Variants in TMEM131 observed in about 807,000 individuals in gnomAD.
TMEM131 encodes the protein transmembrane protein 131, also known as 2610524E03Rik.
In TMEM131, 66 loss-of-function variants were observed where a neutral mutation model predicts 211.6. The observed-to-expected ratio is 0.31, with a 90% confidence interval of 0.26 to 0.38. TMEM131 has a LOEUF of 0.38. Among genes scored for constraint, TMEM131 ranks in the 10% least tolerant of loss-of-function variants. TMEM131 has a pLI of 1.00. For missense variants in TMEM131, 2,036 were observed against 2,299.3 expected, an observed-to-expected ratio of 0.89 and a Z score of 2.34; for synonymous variants, 844 against 841.3, an observed-to-expected ratio of 1.00 and a Z score of -0.06.
At chr2:97,806,174 A>G (rs924574682) in intron 19 of TMEM131, among the ~76,000 whole-genome samples, 2 of 152,218 alleles carry the variant, frequency 1.3e-5, no homozygotes, top group African/African-American at 4.8e-5. Flanking sequence ...ATTAGGAAAA[A>G]TATATGTCAT....
chr2:97,965,990 T>A (rs1462639886), intron 1 of TMEM131, among the ~76,000 whole-genome samples: 1 of 151,880 alleles, frequency 6.6e-6, no homozygotes. Flanking sequence ...AAAGAGAAAG[T>A]AAGCAAAGCC....
intron 5 of TMEM131, among the ~76,000 whole-genome samples, chr2:97,855,115 G>C (rs1282001555): frequency 2.0e-5 from 3 of 152,216 alleles, no homozygotes; most frequent in Non-Finnish European, 4.4e-5. Context: ...GGCACTTTAA[G>C]TAGACACTTC....
intron 5 of TMEM131, among the ~76,000 whole-genome samples, chr2:97,850,580 A>G (rs1379024294): frequency 2.0e-5 from 3 of 152,178 alleles, no homozygotes; most frequent in Non-Finnish European, 2.9e-5. Context: ...CTGATATAAA[A>G]GATGTGAAAA....
At chr2:97,757,901 C>G (rs1455748314) in intron 40 of TMEM131, among the ~76,000 whole-genome samples, 9 of 152,104 alleles carry the variant, frequency 5.9e-5, no homozygotes, top group Non-Finnish European at 1.3e-4. Flanking sequence ...GGGAGGCCGA[C>G]GTGGGCGGAT....
intron 6 of TMEM131, 100 bp from the exon 7 acceptor site, chr2:97,842,037 T>C: frequency 1.7e-6 from 2 of 1,149,160 alleles, no homozygotes; most frequent in Non-Finnish European, 2.3e-6. Flanking sequence ...ATCTAATTTA[T>C]GTATAAAAAA....
At chr2:97,834,390 T>C (rs1178788410) in intron 10 of TMEM131, among the ~76,000 whole-genome samples, 1 of 152,194 alleles carries the variant, frequency 6.6e-6, no homozygotes, top group Non-Finnish European at 1.5e-5. Context: ...TGACTTAAAT[T>C]ATCCCATGGC....
At chr2:97,942,561 T>C (rs527940633) in intron 1 of TMEM131, among the ~76,000 whole-genome samples, 1 of 150,952 alleles carries the variant, frequency 6.6e-6, no homozygotes, top group African/African-American at 2.4e-5. Flanking sequence ...TTTCCAATCT[T>C]ACAGTAAAAG....
chr2:97,775,409 C>A (rs1368782927), intron 32 of TMEM131, among the ~76,000 whole-genome samples: 1 of 152,316 alleles, frequency 6.6e-6, no homozygotes, highest in African/African-American at 2.4e-5. Context: ...GCCACCAAAA[C>A]CCCGCTTCCA....
chr2:97,953,598 T>C (rs1292307645), intron 1 of TMEM131, among the ~76,000 whole-genome samples: 1 of 152,142 alleles, frequency 6.6e-6, no homozygotes, highest in Non-Finnish European at 1.5e-5. Flanking sequence ...TGTCAGCAAC[T>C]GGTAGAACTA....
intron 3 of TMEM131, among the ~76,000 whole-genome samples, chr2:97,890,033 T>G (rs1187853026): frequency 6.6e-6 from 1 of 152,052 alleles, no homozygotes; most frequent in African/African-American, 2.4e-5. Flanking sequence ...GGGAAGAAAG[T>G]AGTAATGTAT....
intron 4 of TMEM131, among the ~76,000 whole-genome samples, chr2:97,871,853 T>C (rs1304399067): frequency 2.0e-5 from 3 of 151,808 alleles, no homozygotes; most frequent in South Asian, 2.1e-4. Flanking sequence ...TTTGTCTGTA[T>C]AGCAGGCAGG....
chr2:97,982,355 T>C (rs1679835712), intron 1 of TMEM131, among the ~76,000 whole-genome samples: 1 of 152,226 alleles, frequency 6.6e-6, no homozygotes, highest in African/African-American at 2.4e-5. Context: ...TGCCCATTTT[T>C]TAATTGCACT....
At chr2:97,760,478 T>C (rs1277428607) in intron 38 of TMEM131, 115 bp downstream of exon 38, 5 of 999,302 alleles carry the variant, frequency 5.0e-6, no homozygotes, top group Non-Finnish European at 7.5e-6. Flanking sequence ...TTCTGACAAA[T>C]GCCTCCTTGT....
intron 1 of TMEM131, among the ~76,000 whole-genome samples, chr2:97,968,630 G>A (rs1679160245): frequency 6.6e-6 from 1 of 152,172 alleles, no homozygotes; most frequent in African/African-American, 2.4e-5. Flanking sequence ...TTGTAGGGAA[G>A]CCTGCACAAA....
Position 97,938,295 on chromosome 2 carries a change from A to T in TMEM131, c.188-10808T>A. 1.3e-5 allele frequency among the ~76,000 whole-genome samples: 2 copies of T among 152,208 alleles called. 1 individual carries two copies. Among genetic ancestry groups the T allele is most frequent in the East Asian group, 3.8e-4 (2 of 5,206 alleles). ...TATTCAGGAAACCCATCTCACCTGC[A>T]GAGACACACATAGGCTCAAAATAAA... On this transcript the variant is annotated intron_variant, in intron 1 of 40. Coordinates refer to ENST00000186436, the MANE Select transcript of TMEM131 (RefSeq NM_015348.2).
chr2:97,989,002 G>C (rs1196578487), intron 1 of TMEM131, among the ~76,000 whole-genome samples: 1 of 152,188 alleles, frequency 6.6e-6, no homozygotes, highest in Non-Finnish European at 1.5e-5. Context: ...GTAGGAGCAA[G>C]CCTAGTGTCC....
At chr2:97,904,391 T>C in intron 3 of TMEM131, among the ~76,000 whole-genome samples, 1 of 151,788 alleles carries the variant, frequency 6.6e-6, no homozygotes, top group East Asian at 1.9e-4. Context: ...AGGAGAGAGT[T>C]AAAAAAGAGA....
At chr2:97,943,041 GAAA>G (rs1364977180) in intron 1 of TMEM131, among the ~76,000 whole-genome samples, 1 of 36,610 alleles carries the variant, frequency 2.7e-5, no homozygotes, top group Non-Finnish European at 5.8e-5. Context: ...GAAAAGAAAA[GAAA>G]GAAAGAAAGA....
intron 1 of TMEM131, among the ~76,000 whole-genome samples, chr2:97,976,950 T>A (rs1679562700): frequency 7.6e-6 from 1 of 131,100 alleles, no homozygotes; most frequent in African/African-American, 2.9e-5. Context: ...AAGAACTGGT[T>A]ATTTATATGC....
Sources: allele counts gnomAD v4.1 joint callset (sites outside exome capture counted in the v4.1 genomes callset), GRCh38; gene constraint gnomAD v4.1.1; transcripts MANE v1.5; gene names NCBI Gene and HGNC (gene_info 2026-07-23, HGNC 2026-07-21).